Variants in HPS5 observed in about 807,000 individuals in gnomAD.
HPS5 encodes the protein HPS5 biogenesis of lysosomal organelles complex 2 subunit 2, also known as BLOC-2 complex member HPS5.
In HPS5, 83 loss-of-function variants were observed where a neutral mutation model predicts 128.0. The ratio of observed to expected loss-of-function variants is 0.65; its 90% CI spans 0.54 to 0.78. HPS5 has a LOEUF of 0.78. Ranked by LOEUF, HPS5 falls within the 30% of genes least tolerant of loss-of-function variation. The pLI is 0.00. For synonymous variants in HPS5, 475 were observed against 470.2 expected (o/e 1.01, Z -0.13); for missense variants, 1,281 against 1,326.2 (o/e 0.97, Z 0.53).
intron 22 of HPS5, among the ~76,000 whole-genome samples, chr11:18,281,223 T>G (rs896861426): frequency 1.3e-5 from 2 of 148,518 alleles, no homozygotes; most frequent in African/African-American, 5.0e-5. Flanking sequence ...GAATTACAAG[T>G]GTCTGCCACC....
intron 15 of HPS5, 58 bp from the exon 16 acceptor site, chr11:18,292,077 T>C (rs745450939): frequency 1.7e-5 from 22 of 1,295,918 alleles, no homozygotes; most frequent in Non-Finnish European, 2.2e-5. Context: ...TAAAACAAAT[T>C]AATTCATGCT....
chr11:18,293,153 TC>T (rs1860638444), intron 14 of HPS5, among the ~76,000 whole-genome samples, 177 bp from the exon 15 acceptor site: 1 of 151,992 alleles, frequency 6.6e-6, no homozygotes, highest in Non-Finnish European at 1.5e-5. Context: ...CTCAGAGCTT[TC>T]TTAGACAAAT....
chr11:18,287,946 T>C lies in HPS5; in HGVS notation c.2508A>G (p.Leu836=). The C allele has an allele frequency of 1.2e-6, 2 of 1,613,980 alleles. No individual in the cohort carries two copies. Among genetic ancestry groups the C allele is most frequent in the Non-Finnish European group, 1.7e-6 (2 of 1,179,906 alleles). Residue 836 remains leucine (L), a synonymous_variant, in exon 17 of 23, where the codon TTA becomes TTG. Coordinates refer to ENST00000349215, the MANE Select transcript of HPS5 (RefSeq NM_181507.2). ...EKGDLPTRLK[L]LDDEVPFDSP... ...TATCAAAAGGAACCTCGTCATCTAGTAACTTTAACCTTGTTGGTAGATCTC... is the reference window on the plus strand; with the variant it reads ...TATCAAAAGGAACCTCGTCATCTAGCAACTTTAACCTTGTTGGTAGATCTC...
intron 1 of HPS5, among the ~76,000 whole-genome samples, chr11:18,320,500 G>A (rs2133923825): frequency 6.6e-6 from 1 of 152,308 alleles, no homozygotes; most frequent in Middle Eastern, 3.4e-3. Context: ...CTATGCTGAA[G>A]CCTGATCACT....
At chr11:18,289,087 G>A (rs1263450560) in intron 16 of HPS5, among the ~76,000 whole-genome samples, 2 of 152,188 alleles carry the variant, frequency 1.3e-5, no homozygotes, top group Admixed American at 6.6e-5. Flanking sequence ...CCAAATAACA[G>A]TTCCAAAAGC....
chr11:18,301,400 C>T, intron 8 of HPS5, among the ~76,000 whole-genome samples: 1 of 144,242 alleles, frequency 6.9e-6, no homozygotes, highest in Non-Finnish European at 1.5e-5. Context: ...TTGCAGTGAG[C>T]CAAGATTGTG....
At chr11:18,281,876 C>A in intron 22 of HPS5, 74 bp downstream of exon 22, 2 of 1,553,474 alleles carry the variant, frequency 1.3e-6, no homozygotes, top group Non-Finnish European at 1.8e-6. Flanking sequence ...ATGATCTCCA[C>A]ATCTACATCT....
intron 8 of HPS5, among the ~76,000 whole-genome samples, chr11:18,304,597 G>A (rs1862134212): frequency 6.6e-6 from 1 of 152,182 alleles, no homozygotes; most frequent in African/African-American, 2.4e-5. Context: ...GAGGCAATTA[G>A]TTAACACTTC....
In HPS5 at chr11:18,317,886, TGATA is replaced by T. The variant is rs750215479; in HGVS notation, c.-32_-29del. 6.8e-6 allele frequency: 11 copies of T among 1,606,164 alleles called. No homozygotes were observed. The African/African-American group carries it at 8.0e-5, about 12-fold the overall frequency. On this transcript the variant is annotated 5_prime_UTR_variant, in exon 2 of 23. Transcript: ENST00000349215. ...AGCCAGAAAGCTGAAACTTGTTGAA[TGATA>T]GATACAGTATTCCTCACCTGAATAA... is the stretch of plus-strand genomic sequence containing the variant.
chr11:18,311,515 T>TATTA (rs1564977177), intron 3 of HPS5, 64 bp from the exon 4 acceptor site: 3 of 723,404 alleles, frequency 4.1e-6, no homozygotes, highest in African/African-American at 3.8e-5. Context: ...ATTATTATTT[T>TATTA]TTTTTTTTTT....
chr11:18,319,064 C>A (rs544271320), intron 1 of HPS5, among the ~76,000 whole-genome samples: 28 of 151,942 alleles, frequency 1.8e-4, no homozygotes, highest in Admixed American at 4.6e-4. Context: ...AGAAAAAACC[C>A]AGAAAGAAAC....
rs959702144 is a variant in HPS5 at position 18,312,112 on chromosome 11, C to T, written c.109-88G>A. On this transcript the variant is annotated intron_variant, in intron 2 of 22. Transcript: ENST00000349215. ...TGAAAATAAATACTGAGGATTTATG[C>T]ATCAGGCTCCTTCCCTCACTTTACC... is the stretch of plus-strand genomic sequence containing the variant. 8 of 975,178 alleles carry T rather than the reference C, an allele frequency of 8.2e-6. No individual in the cohort carries two copies. In the Admixed American group the frequency reaches 1.2e-4, roughly 15 times the overall value. 60.4% of individuals were successfully genotyped at this position (975,178 alleles called of 1,614,324 possible).
At chr11:18,300,696 C>CA (rs531315010) in intron 9 of HPS5, 132 bp downstream of exon 9, 2,988 of 387,952 alleles carry the variant, frequency 7.7e-3, no homozygotes, top group Middle Eastern at 0.018. Flanking sequence ...GACTTAGTCT[C>CA]AAAAAAAAAA....
intron 1 of HPS5, among the ~76,000 whole-genome samples, chr11:18,318,921 A>T (rs1210051593): frequency 3.3e-5 from 5 of 151,990 alleles, no homozygotes; most frequent in African/African-American, 1.2e-4. Context: ...ACCCTCATAG[A>T]GCATACTTTC....
intron 9 of HPS5, among the ~76,000 whole-genome samples, chr11:18,299,396 G>A (rs1472895976): frequency 6.6e-6 from 1 of 152,224 alleles, no homozygotes; most frequent in Non-Finnish European, 1.5e-5. Flanking sequence ...TGTCTTGGCA[G>A]AGTATCCTGA....
intron 6 of HPS5, among the ~76,000 whole-genome samples, chr11:18,306,643 TGA>T (rs1862407148): frequency 2.6e-5 from 4 of 152,314 alleles, no homozygotes; most frequent in Non-Finnish European, 5.9e-5. Context: ...ATCTAAAAGG[TGA>T]GTGCTACCAA....
At chr11:18,301,632 A>G (rs1861727009) in intron 8 of HPS5, among the ~76,000 whole-genome samples, 1 of 152,060 alleles carries the variant, frequency 6.6e-6, no homozygotes, top group Admixed American at 6.6e-5. Flanking sequence ...CTAGTGAGAC[A>G]CTTTTAAGAA....
chr11:18,287,048 T>A, intron 18 of HPS5: 1 of 521,850 alleles, frequency 1.9e-6, no homozygotes, highest in Non-Finnish European at 3.3e-6. Flanking sequence ...AGCCACTGCA[T>A]CCAGCCTGGG....
chr11:18,285,354 C>A lies in HPS5; in HGVS notation c.2943G>T (p.Arg981Ser). The A allele has an allele frequency of 6.2e-7, 1 of 1,604,736 alleles. No individual in the cohort carries two copies. ...ITKEKMTDICRSCGFWPGYLI... is the reference protein window; with the variant it reads ...ITKEKMTDICSSCGFWPGYLI... ...AAAAAATTCTCACTTACCCACAAGA[C>A]CTGCAGATGTCTGTCATTTTCTCTT... Residue 981 changes from arginine (R) to serine (S), a missense_variant, in exon 20 of 23, where the codon AGG (arginine) becomes AGT (serine). Physicochemically the swap from Arg to Ser is moderately radical, Grantham distance 110. Coordinates refer to ENST00000349215, the MANE Select transcript of HPS5 (RefSeq NM_181507.2).
Sources: allele counts gnomAD v4.1 joint callset (sites outside exome capture counted in the v4.1 genomes callset), GRCh38; gene constraint gnomAD v4.1.1; transcripts MANE v1.5; gene names NCBI Gene and HGNC (gene_info 2026-07-23, HGNC 2026-07-21).